The following PLEKHG3 variants were observed in gnomAD, a reference collection of about 807,000 sequenced individuals.
The protein encoded by PLEKHG3 is pleckstrin homology and RhoGEF domain containing G3, also known as pleckstrin homology domain-containing family G member 3.
In PLEKHG3, 62 loss-of-function variants were observed where a neutral mutation model predicts 94.9. That is an observed-to-expected ratio of 0.65 (90% CI 0.53 to 0.81). The LOEUF is 0.81. PLEKHG3 is among the 30% of genes least tolerant of loss of function. The pLI is 0.00. For synonymous variants in PLEKHG3, 614 were observed against 654.0 expected (o/e 0.94, Z 0.93); for missense variants, 1,461 against 1,619.3 (o/e 0.90, Z 1.68).
rs570395215 is a variant in PLEKHG3, at chr14:64,749,368, C to T, written c.*5665C>T. The stretch of plus-strand genomic sequence containing the variant: ...TTGTCTTTCTTGCCGAGGCTGGCGT[C>T]GGGGCCGGAGAGGGAAGGCAGGGGC... On this transcript the variant is annotated 3_prime_UTR_variant, in exon 17 of 17. Coordinates refer to ENST00000247226, the MANE Select transcript of PLEKHG3 (RefSeq NM_001308147.2). This position sits in a 1 kb window ranked among gnomAD's most constrained non-coding sequence, Gnocchi z 4.7. 1.8e-5 allele frequency: 29 copies of T among 1,610,462 alleles called. No homozygotes were observed. In the East Asian group the frequency reaches 2.5e-4, roughly 14 times the overall value.
rs1257125882 is a variant in PLEKHG3 at position 64,718,835 on chromosome 14, C to T, written c.-39-8758C>T. Among the ~76,000 whole-genome samples the T allele has an allele frequency of 2.0e-5, 3 of 152,180 alleles. No individual in the cohort carries two copies. Among genetic ancestry groups the T allele is most frequent in the Non-Finnish European group, 4.4e-5 (3 of 68,028 alleles). ...GTCTACCCTGCAGATGGGTTTAAAA[C>T]CCACGGACCAGTGTCAAGGATGGTT... On this transcript the variant is annotated intron_variant, in intron 1 of 16. Coordinates refer to ENST00000247226, the MANE Select transcript of PLEKHG3 (RefSeq NM_001308147.2). The surrounding 1 kb of genome is among the most constrained non-coding windows in gnomAD (Gnocchi z 5.0).
Position 64,742,440 on chromosome 14 carries a change from C to A in PLEKHG3, c.2923C>A (p.Pro975Thr). The A allele has an allele frequency of 6.2e-7, 1 of 1,606,748 alleles. No individual in the cohort carries two copies. The highest frequency in any genetic ancestry group is 1.7e-4 in the Middle Eastern group (1 of 6,016). ...CTGTCTACAGGAAGAGGCTGGAGAG[C>A]CATTAGGTGGCAAAGGTATGACAGA... ...VPCLQEEAGE[P>T]LGGKGKRKPV... The change falls in exon 16 of 17, where the codon CCA becomes ACA. Residue 975 changes from proline to threonine, a missense_variant. By Grantham distance (38) the Pro-to-Thr change is conservative. Coordinates refer to ENST00000247226, the MANE Select transcript of PLEKHG3 (RefSeq NM_001308147.2).
rs1452778572 is a variant in PLEKHG3 at position 64,741,818 on chromosome 14, A to C, written c.2301A>C (p.Pro767=). Residue 767 remains proline, a synonymous_variant, in exon 16 of 17, where the codon CCA becomes CCC. Coordinates refer to ENST00000247226, the MANE Select transcript of PLEKHG3 (RefSeq NM_001308147.2). ...FNSLPRPDPE[P]VPPVGSKRQV... ...GCCTTCCCCGGCCAGACCCAGAGCC[A>C]GTACCTCCAGTGGGGAGCAAGAGAC... The C allele has an allele frequency of 6.2e-7, 1 of 1,613,634 alleles. No individual in the cohort carries two copies. The highest frequency in any genetic ancestry group is 1.1e-5 in the South Asian group (1 of 91,088).
Position 64,732,375 on chromosome 14 carries a change from G to T in PLEKHG3, c.1213-52G>T. 6.4e-7 allele frequency: 1 copy of T among 1,565,088 alleles called. No individual in the cohort carries two copies. Among genetic ancestry groups the T allele is most frequent in the Non-Finnish European group, 8.8e-7 (1 of 1,135,510 alleles). ...AGCAACAGTGGGTCCTATGGGCAGGGAAGGCCGGCACATGGTAAGGTAATA... is the reference window on the plus strand; with the variant it reads ...AGCAACAGTGGGTCCTATGGGCAGGTAAGGCCGGCACATGGTAAGGTAATA... On this transcript the variant is annotated intron_variant, in intron 10 of 16. Coordinates refer to ENST00000247226, the MANE Select transcript of PLEKHG3 (RefSeq NM_001308147.2). The surrounding 1 kb of genome is among the most constrained non-coding windows in gnomAD (Gnocchi z 4.9).
chr14:64,740,908 T>A, intron 15 of PLEKHG3, 128 bp from the exon 16 acceptor site: 2 of 707,338 alleles, frequency 2.8e-6, no homozygotes, highest in Non-Finnish European at 4.7e-6. Flanking sequence ...GTGCTCATTC[T>A]GATTGCCTTG....
rs2081200602 is a variant in PLEKHG3 at position 64,718,144 on chromosome 14, T to C, written c.-39-9449T>C. 6.6e-6 allele frequency among the ~76,000 whole-genome samples: 1 copy of C among 152,210 alleles called. No homozygotes were observed. On this transcript the variant is annotated intron_variant, in intron 1 of 16. Transcript: ENST00000247226. The surrounding 1 kb of genome is among the most constrained non-coding windows in gnomAD (Gnocchi z 5.0). ...AGATGTCACCTTCTCCTAGAAAGCT[T>C]CCTGGTCCCCTAAGTAGCACTAGCT...
rs553401847 is a variant in PLEKHG3 at position 64,711,654 on chromosome 14, C to T, written c.-40+6950C>T. Among the ~76,000 whole-genome samples the T allele has an allele frequency of 5.3e-5, 8 of 152,250 alleles. No homozygotes were observed. The South Asian group carries it at 6.2e-4, about 12-fold the overall frequency. ...GTCTCGATCTCCTGACCTTGTGATG[C>T]GCCTGCCTTGGCCTCCCAAAGTGCT... On this transcript the variant is annotated intron_variant, in intron 1 of 16. Coordinates refer to ENST00000247226, the MANE Select transcript of PLEKHG3 (RefSeq NM_001308147.2).
chr14:64,749,436 G>A lies in PLEKHG3; in HGVS notation c.*5733G>A. 6.2e-7 allele frequency: 1 copy of A among 1,604,196 alleles called. No individual in the cohort carries two copies. The highest frequency in any genetic ancestry group is 8.5e-7 in the Non-Finnish European group (1 of 1,179,076). On this transcript the variant is annotated 3_prime_UTR_variant, in exon 17 of 17. Coordinates refer to ENST00000247226, the MANE Select transcript of PLEKHG3 (RefSeq NM_001308147.2). The surrounding 1 kb of genome is among the most constrained non-coding windows in gnomAD (Gnocchi z 4.7). The stretch of plus-strand genomic sequence containing the variant: ...GCGGATGCTCTGGGACTCGTTGATG[G>A]CGGTGCTCACGCCCTGCAGCCAGGA...
intron 12 of PLEKHG3, 72 bp from the exon 13 acceptor site, chr14:64,736,781 G>A (rs229653): frequency 0.078 from 87,688 of 1,131,328 alleles, 3,750 homozygotes; most frequent in Non-Finnish European, 0.085. Context: ...TGGTGGCGCT[G>A]TGAGCTTGGG....
In PLEKHG3 at chr14:64,730,891, T is replaced by G; in HGVS notation, c.659T>G (p.Leu220Trp). Residue 220 changes from leucine to tryptophan, a missense_variant, in exon 6 of 17, where the codon TTG (leucine) becomes TGG (tryptophan). Around this residue, in one of 3 missense-constraint regions of PLEKHG3, gnomAD observed 253 missense variants for 297.8 expected, o/e 0.85. Transcript: ENST00000247226. This position sits in a 1 kb window ranked among gnomAD's most constrained non-coding sequence, Gnocchi z 5.4. ...RQELLQHSLP[L>W]GSYLLKPVQR... is the part of the protein sequence containing the mutation. ...GAGCTGCTACAGCACTCGCTGCCCTTGGGCTCCTACCTGCTGAAGCCAGTC... is the reference window on the plus strand; with the variant it reads ...GAGCTGCTACAGCACTCGCTGCCCTGGGGCTCCTACCTGCTGAAGCCAGTC... 6.2e-7 allele frequency: 1 copy of G among 1,613,216 alleles called. No individual in the cohort carries two copies. The highest frequency in any genetic ancestry group is 8.5e-7 in the Non-Finnish European group (1 of 1,180,010).
chr14:64,718,074 A>C lies in PLEKHG3; in HGVS notation c.-39-9519A>C, dbSNP rs1339930377. The stretch of plus-strand genomic sequence containing the variant: ...CTCTCTTGGCAGCAAATGCACTCAG[A>C]TCTCTTCACCTGGCAAAGCTTACTC... On this transcript the variant is annotated intron_variant, in intron 1 of 16. Coordinates refer to ENST00000247226, the MANE Select transcript of PLEKHG3 (RefSeq NM_001308147.2). This position sits in a 1 kb window ranked among gnomAD's most constrained non-coding sequence, Gnocchi z 5.0. Among the ~76,000 whole-genome samples, 3 of 152,076 alleles carry C rather than the reference A, an allele frequency of 2.0e-5. No homozygotes were observed. The highest frequency in any genetic ancestry group is 4.4e-5 in the Non-Finnish European group (3 of 68,008).
Position 64,730,748 on chromosome 14 carries a change from T to G in PLEKHG3, c.567-51T>G. The G allele has an allele frequency of 6.2e-7, 1 of 1,612,776 alleles. No homozygotes were observed. Among genetic ancestry groups the G allele is most frequent in the Non-Finnish European group, 8.5e-7 (1 of 1,178,894 alleles). On this transcript the variant is annotated intron_variant, in intron 5 of 16. Coordinates refer to ENST00000247226, the MANE Select transcript of PLEKHG3 (RefSeq NM_001308147.2). The surrounding 1 kb of genome is among the most constrained non-coding windows in gnomAD (Gnocchi z 5.4). ...TTTGGTGAGTCCAGAGCCCCCCACTTCCTCATCCAGGCCTTCCCCAGGTGG... is the reference window on the plus strand; with the variant it reads ...TTTGGTGAGTCCAGAGCCCCCCACTGCCTCATCCAGGCCTTCCCCAGGTGG...
rs1477806468 is a variant in PLEKHG3 at position 64,743,411 on chromosome 14, A to G, written c.3368A>G (p.Lys1123Arg). 3 of 1,610,952 alleles carry G rather than the reference A, an allele frequency of 1.9e-6. No individual in the cohort carries two copies. The highest frequency in any genetic ancestry group is 2.5e-6 in the Non-Finnish European group (3 of 1,178,436). ...TCCCCTGGGCCTCTGCCCCAGAGCA[A>G]GCCGGATGGAGGCGAGACCCTGTAT... ...AQSPGPLPQSKPDGGETLYVT... is the reference protein window; with the variant it reads ...AQSPGPLPQSRPDGGETLYVT... Residue 1123 changes from lysine to arginine, a missense_variant, in exon 17 of 17, where the codon AAG becomes AGG. Transcript: ENST00000247226. This position sits in a 1 kb window ranked among gnomAD's most constrained non-coding sequence, Gnocchi z 7.2.
chr14:64,745,400 A>AACCTG lies in PLEKHG3; in HGVS notation c.*1699_*1703dup, dbSNP rs1429354867. On this transcript the variant is annotated 3_prime_UTR_variant, in exon 17 of 17. Transcript: ENST00000247226. This position sits in a 1 kb window ranked among gnomAD's most constrained non-coding sequence, Gnocchi z 5.0. ...CAGGGCCCTGTGGGCCTTCTGACCC[A>AACCTG]ACCTGAAGATGGGTCTGCTAAGTCT... 6.6e-6 allele frequency: 1 copy of AACCTG among 152,234 alleles called. No homozygotes were observed. Among genetic ancestry groups the AACCTG allele is most frequent in the Non-Finnish European group, 1.5e-5 (1 of 68,050 alleles). 9.4% of individuals were successfully genotyped at this position (152,234 alleles called of 1,614,324 possible).
rs1464106492 is a variant in PLEKHG3, at chr14:64,749,680, C to T, written c.*5977C>T. 7 of 1,613,738 alleles carry T rather than the reference C, an allele frequency of 4.3e-6. No individual in the cohort carries two copies. The highest frequency in any genetic ancestry group is 5.1e-6 in the Non-Finnish European group (6 of 1,179,986). On this transcript the variant is annotated 3_prime_UTR_variant, in exon 17 of 17. Transcript: ENST00000247226. The surrounding 1 kb of genome is among the most constrained non-coding windows in gnomAD (Gnocchi z 4.7). ...TCATCCTTGCCATGGAAGAGCCACTCGCTGCCATTACTCAGCCTAGGAGGA... is the reference window on the plus strand; with the variant it reads ...TCATCCTTGCCATGGAAGAGCCACTTGCTGCCATTACTCAGCCTAGGAGGA...
intron 1 of PLEKHG3, among the ~76,000 whole-genome samples, chr14:64,709,729 C>CTGTG (rs3063746): frequency 0.016 from 2,304 of 144,092 alleles, 17 homozygotes; most frequent in South Asian, 0.019. Context: ...GGCTGTGAGA[C>CTGTG]TGTGTGTGTG....
chr14:64,743,154 C>T lies in PLEKHG3; in HGVS notation c.3111C>T (p.Ser1037=). 2 of 1,611,012 alleles carry T rather than the reference C, an allele frequency of 1.2e-6. No individual in the cohort carries two copies. The highest frequency in any genetic ancestry group is 2.2e-5 in the East Asian group (1 of 44,884). ...TSPGGRPSAR[S]PLSPTETFSW... is the part of the protein sequence containing the mutation. Reference sequence around the variant, plus strand: ...CTGGGGGCCGGCCCTCCGCCCGGAGCCCCCTCAGCCCCACAGAGACCTTCA... The same window carrying T: ...CTGGGGGCCGGCCCTCCGCCCGGAGTCCCCTCAGCCCCACAGAGACCTTCA... Residue 1037 remains serine, a synonymous_variant, in exon 17 of 17, where the codon AGC becomes AGT. Coordinates refer to ENST00000247226, the MANE Select transcript of PLEKHG3 (RefSeq NM_001308147.2). The surrounding 1 kb of genome is among the most constrained non-coding windows in gnomAD (Gnocchi z 7.2).
At chr14:64,714,327 CA>C (rs2081104515) in intron 1 of PLEKHG3, among the ~76,000 whole-genome samples, 1 of 152,182 alleles carries the variant, frequency 6.6e-6, no homozygotes, top group Non-Finnish European at 1.5e-5. Flanking sequence ...GCTCATCCCC[CA>C]AAGCTTCACA....
Position 64,742,412 on chromosome 14 carries a change from GC to G in PLEKHG3, c.2898del (p.Cys967ValfsTer10), listed in dbSNP as rs1566719286. 1 of 1,612,508 alleles carries G rather than the reference GC, an allele frequency of 6.2e-7. No homozygotes were observed. Among genetic ancestry groups the G allele is most frequent in the Non-Finnish European group, 8.5e-7 (1 of 1,179,874 alleles). ...PERDGKSPTV[P>X]CLQEEAGEPL... is the part of the protein sequence containing the mutation. ...AGAGGGATGGGAAGAGCCCCACTGT[GC>G]CCTGTCTACAGGAAGAGGCTGGAGA... is the stretch of plus-strand genomic sequence containing the variant. On this transcript the variant is annotated frameshift_variant, in exon 16 of 17. Coordinates refer to ENST00000247226, the MANE Select transcript of PLEKHG3 (RefSeq NM_001308147.2). LOFTEE classifies it low-confidence loss of function (END_TRUNC).
Sources: allele counts gnomAD v4.1 joint callset (sites outside exome capture counted in the v4.1 genomes callset), GRCh38; gene constraint gnomAD v4.1.1; regional missense constraint gnomAD v4.1.1; non-coding constraint Gnocchi (gnomAD v3.1); transcripts MANE v1.5; gene names NCBI Gene and HGNC (gene_info 2026-07-23, HGNC 2026-07-21).